The following RIBC2 variants were observed in gnomAD, a reference collection of about 807,000 sequenced individuals.
RIBC2 encodes the protein RIB43A-like with coiled-coils protein 2.
Under a neutral mutation model 44.3 loss-of-function variants are expected in RIBC2, and 40 were observed. The observed-to-expected ratio is 0.90, with a 90% CI of 0.70 to 1.18. The LOEUF (loss-of-function observed/expected upper bound fraction) is 1.18. Ranked by LOEUF, RIBC2 falls within the 50% of genes most tolerant of loss-of-function variation. RIBC2 has a pLI of 0.00. For missense variants in RIBC2, 459 were observed against 485.5 expected (o/e 0.95, Z 0.51); for synonymous variants, 171 against 175.0 (o/e 0.98, Z 0.18).
chr22:45,426,072 C>A lies in RIBC2; in HGVS notation c.800C>A (p.Ser267Tyr), dbSNP rs1001264933. The A allele has an allele frequency of 1.2e-6, 2 of 1,614,052 alleles. No individual in the cohort carries two copies. The highest frequency in any genetic ancestry group is 1.1e-5 in the South Asian group (1 of 91,062). ...GAGAACCCGCAGCAGGCAGCCAGCT[C>A]CTTCGGGCCCCACCGCGTGGTCCCT... ...LSENPQQAAS[S>Y]FGPHRVVPDR... The change falls in exon 5 of 7, where the codon TCC (serine) becomes TAC (tyrosine). Residue 267 changes from serine to tyrosine, a missense_variant. By Grantham distance (144) the Ser-to-Tyr change is moderately radical. Transcript: ENST00000614167.
At position 45,422,318 on chromosome 22, in the gene RIBC2, G is replaced by C. The variant is rs2087493674; in HGVS notation, c.585G>C (p.Gln195His). 1 of 1,614,062 alleles carries C rather than the reference G, an allele frequency of 6.2e-7. No homozygotes were observed. The highest frequency in any genetic ancestry group is 1.7e-5 in the Admixed American group (1 of 60,008). The change falls in exon 4 of 7, where the codon CAG becomes CAC. Residue 195 changes from glutamine to histidine, a missense_variant. Coordinates refer to ENST00000614167, the MANE Select transcript of RIBC2 (RefSeq NM_015653.5). ...CCCTCTACACAGAGACAAGGCTGCA[G>C]TTTGACGAGACAGCCAAGCACCTCC... Reference protein sequence around the residue: ...AEALYTETRLQFDETAKHLQK... With the variant: ...AEALYTETRLHFDETAKHLQK...
At chr22:45,414,287 G>A in intron 1 of RIBC2, 35 bp from the exon 2 acceptor site, 1 of 1,538,056 alleles carries the variant, frequency 6.5e-7, no homozygotes. Flanking sequence ...AAATGATCTG[G>A]CTCTAACCCT....
chr22:45,427,577 A>G (rs1027944192), intron 5 of RIBC2, among the ~76,000 whole-genome samples: 7 of 152,246 alleles, frequency 4.6e-5, no homozygotes, highest in African/African-American at 1.7e-4. Context: ...GATATGTAAC[A>G]TAGGGCTCAG....
intron 3 of RIBC2, among the ~76,000 whole-genome samples, chr22:45,421,309 T>G (rs892513228): frequency 7.7e-5 from 2 of 25,964 alleles, no homozygotes; most frequent in Non-Finnish European, 1.1e-4. Flanking sequence ...ATAATAATAC[T>G]ATTATTATTA....
chr22:45,427,328 C>T (rs2087543115), intron 5 of RIBC2, among the ~76,000 whole-genome samples: 2 of 152,204 alleles, frequency 1.3e-5, no homozygotes. Flanking sequence ...CCATCACATG[C>T]ATAGTCCAGC....
intron 4 of RIBC2, among the ~76,000 whole-genome samples, chr22:45,424,599 C>G (rs909849728): frequency 6.6e-6 from 1 of 152,212 alleles, no homozygotes; most frequent in Non-Finnish European, 1.5e-5. Flanking sequence ...GGCTGTGAGG[C>G]CTGTTCCTTG....
intron 4 of RIBC2, among the ~76,000 whole-genome samples, chr22:45,424,752 T>TA (rs2087518275): frequency 1.0e-4 from 13 of 128,328 alleles, no homozygotes; most frequent in Admixed American, 4.0e-4. Context: ...ATTTCTTTTT[T>TA]CTTTTTTTTT....
chr22:45,419,470 A>G (rs1218091645), intron 3 of RIBC2, among the ~76,000 whole-genome samples: 1 of 152,150 alleles, frequency 6.6e-6, no homozygotes, highest in African/African-American at 2.4e-5. Context: ...GCAGTGGCTC[A>G]TGCCTGTAAT....
intron 3 of RIBC2, among the ~76,000 whole-genome samples, chr22:45,419,460 G>A (rs1455785092): frequency 1.3e-5 from 2 of 151,962 alleles, no homozygotes; most frequent in African/African-American, 4.8e-5. Flanking sequence ...TCGGCTGGGC[G>A]CAGTGGCTCA....
At chr22:45,421,383 C>T (rs1371357530) in intron 3 of RIBC2, among the ~76,000 whole-genome samples, 1 of 143,520 alleles carries the variant, frequency 7.0e-6, no homozygotes, top group Admixed American at 7.1e-5. Flanking sequence ...ACCTATAGGC[C>T]ATCATTTCCC....
chr22:45,430,820 A>C, intron 5 of RIBC2, 80 bp from the exon 6 acceptor site: 2 of 1,424,506 alleles, frequency 1.4e-6, no homozygotes, highest in South Asian at 3.0e-5. Flanking sequence ...GTAGAATGAG[A>C]GGCCAGGCCT....
intron 5 of RIBC2, among the ~76,000 whole-genome samples, chr22:45,430,106 T>C (rs918996861): frequency 2.0e-5 from 3 of 152,156 alleles, no homozygotes; most frequent in African/African-American, 7.2e-5. Flanking sequence ...GAGAGCAGGG[T>C]GACTTGCCTC....
At chr22:45,417,568 T>A in intron 2 of RIBC2, 34 bp from the exon 3 acceptor site, 2 of 1,479,122 alleles carry the variant, frequency 1.4e-6, no homozygotes, top group Non-Finnish European at 1.9e-6. Context: ...TTCCTCTGAA[T>A]CCTAAGCTTA....
At chr22:45,424,967 G>T (rs1321623590) in intron 4 of RIBC2, among the ~76,000 whole-genome samples, 3 of 151,890 alleles carry the variant, frequency 2.0e-5, no homozygotes, top group African/African-American at 4.8e-5. Context: ...TGTTGGCCAG[G>T]CTGGTCTTGA....
At chr22:45,424,051 A>G (rs987873981) in intron 4 of RIBC2, among the ~76,000 whole-genome samples, 1 of 152,000 alleles carries the variant, frequency 6.6e-6, no homozygotes, top group African/African-American at 2.4e-5. Context: ...TCATTCATCA[A>G]TTTATTCATT....
intron 4 of RIBC2, among the ~76,000 whole-genome samples, chr22:45,425,738 G>A (rs1047352272): frequency 3.3e-5 from 5 of 152,214 alleles, no homozygotes; most frequent in East Asian, 3.9e-4. Flanking sequence ...GTGATCCCCC[G>A]AGTCCAGCCC....
intron 4 of RIBC2, 163 bp downstream of exon 4, chr22:45,422,571 A>G (rs28627278): frequency 4.6e-6 from 3 of 656,512 alleles, no homozygotes; most frequent in African/African-American, 3.6e-5. Flanking sequence ...GATGACAGAG[A>G]TGGATGAGAC....
chr22:45,418,486 G>A (rs1164010217), intron 3 of RIBC2, among the ~76,000 whole-genome samples: 1 of 152,160 alleles, frequency 6.6e-6, no homozygotes. Flanking sequence ...AGCCCCATGT[G>A]TCCTCACTGA....
intron 2 of RIBC2, among the ~76,000 whole-genome samples, chr22:45,416,853 A>G (rs1370599404): frequency 1.4e-5 from 2 of 147,490 alleles, no homozygotes; most frequent in Non-Finnish European, 3.0e-5. Context: ...GATGTTTCCC[A>G]CCTTGTATGG....
Sources: gnomAD v4.1 joint callset for allele counts (sites outside exome capture counted in the v4.1 genomes callset) on GRCh38, gnomAD v4.1.1 for gene constraint, MANE v1.5 for transcripts, NCBI Gene and HGNC (gene_info 2026-07-23, HGNC 2026-07-21) for gene names.